TNFRSF21: variants seen among roughly 807,000 people sequenced by gnomAD.
The protein encoded by TNFRSF21 is TNF receptor superfamily member 21.
Under a neutral mutation model 45.6 loss-of-function variants are expected in TNFRSF21, and 19 were observed. The ratio of observed to expected loss-of-function variants is 0.42; its 90% CI spans 0.29 to 0.61. The LOEUF is 0.61. Ranked by LOEUF, TNFRSF21 falls within the 20% of genes least tolerant of loss-of-function variation. The pLI, the probability that TNFRSF21 is intolerant of heterozygous loss-of-function variation, is 0.23. For synonymous variants in TNFRSF21, 314 were observed against 335.5 expected (o/e 0.94, Z 0.70); for missense variants, 737 against 851.5 (o/e 0.87, Z 1.67).
chr6:47,257,605 A>AAAGC (rs1765006782), intron 3 of TNFRSF21, among the ~76,000 whole-genome samples: 1 of 152,216 alleles, frequency 6.6e-6, no homozygotes, highest in South Asian at 2.1e-4. Context: ...CAGGAGGACG[A>AAAGC]TTTGCCAAAT....
intron 4 of TNFRSF21, among the ~76,000 whole-genome samples, chr6:47,247,369 A>G (rs1489872692): frequency 6.6e-6 from 1 of 152,222 alleles, no homozygotes. Context: ...GGCAGCTGCT[A>G]GATACATGCA....
intron 3 of TNFRSF21, among the ~76,000 whole-genome samples, chr6:47,263,793 TC>T (rs1762283635): frequency 6.6e-6 from 1 of 152,266 alleles, no homozygotes; most frequent in African/African-American, 2.4e-5. Context: ...CAATGTCTTT[TC>T]ATAGTTTGGT....
intron 3 of TNFRSF21, among the ~76,000 whole-genome samples, chr6:47,273,328 G>T (rs1582339841): frequency 6.6e-6 from 1 of 152,308 alleles, no homozygotes; most frequent in South Asian, 2.1e-4. Context: ...GATCAAGTCA[G>T]CTTCATCCCT....
intron 5 of TNFRSF21, among the ~76,000 whole-genome samples, chr6:47,233,437 C>T (rs1582309730): frequency 1.3e-5 from 2 of 152,174 alleles, no homozygotes; most frequent in South Asian, 2.1e-4. Flanking sequence ...CATAGGCCCA[C>T]CCCTTTCCAA....
In TNFRSF21 at chr6:47,234,668, A is replaced by G; in HGVS notation, c.1738+2T>C. 1 of 1,604,174 alleles carries G rather than the reference A, an allele frequency of 6.2e-7. No homozygotes were observed. The highest frequency in any genetic ancestry group is 8.5e-7 in the Non-Finnish European group (1 of 1,175,194). On this transcript the variant is annotated splice_donor_variant, in intron 5 of 5. Transcript: ENST00000296861. LOFTEE classifies it high-confidence loss of function. ...GTGTGAGGTCTGCTGCGATGCCCGT[A>G]CCTTTGGTAATAAAGGAACCGTTCC... is the stretch of plus-strand genomic sequence containing the variant.
intron 3 of TNFRSF21, among the ~76,000 whole-genome samples, chr6:47,280,134 G>C (rs1561947717): frequency 6.6e-6 from 1 of 152,174 alleles, no homozygotes; most frequent in East Asian, 1.9e-4. Flanking sequence ...AAAGTTTGGA[G>C]GATGTATATG....
chr6:47,288,946 G>T (rs888310188), intron 1 of TNFRSF21, among the ~76,000 whole-genome samples: 4 of 152,210 alleles, frequency 2.6e-5, no homozygotes, highest in South Asian at 4.1e-4. Context: ...AGGAGAGGAA[G>T]CACAAAGCTA....
chr6:47,245,418 C>T (rs1764808554), intron 4 of TNFRSF21, among the ~76,000 whole-genome samples: 1 of 149,480 alleles, frequency 6.7e-6, no homozygotes, highest in Admixed American at 6.7e-5. Flanking sequence ...AAAGGCAATA[C>T]TAAGAAGAAG....
chr6:47,266,813 A>G (rs941417189), intron 3 of TNFRSF21, among the ~76,000 whole-genome samples: 1 of 152,250 alleles, frequency 6.6e-6, no homozygotes, highest in Non-Finnish European at 1.5e-5. Flanking sequence ...GACCTTTATC[A>G]TTACGGGGAG....
intron 1 of TNFRSF21, among the ~76,000 whole-genome samples, chr6:47,287,103 T>C (rs1762660782): frequency 6.6e-6 from 1 of 151,836 alleles, no homozygotes; most frequent in Non-Finnish European, 1.5e-5. Context: ...AGGTCAGGTG[T>C]TCGAGACCAG....
intron 1 of TNFRSF21, among the ~76,000 whole-genome samples, chr6:47,303,312 C>T (rs1390211198): frequency 6.6e-6 from 1 of 152,166 alleles, no homozygotes; most frequent in African/African-American, 2.4e-5. Flanking sequence ...AAGTGCCCCC[C>T]TTAGTTTTCT....
intron 1 of TNFRSF21, among the ~76,000 whole-genome samples, chr6:47,303,452 T>C (rs1028991609): frequency 1.3e-5 from 2 of 152,140 alleles, no homozygotes; most frequent in Non-Finnish European, 2.9e-5. Flanking sequence ...GAGCGCAACT[T>C]TCCCACCACT....
rs1217175513 is a variant in TNFRSF21 at position 47,287,109 on chromosome 6, A to T, written c.97-514T>A. 2.0e-5 allele frequency among the ~76,000 whole-genome samples: 3 copies of T among 151,994 alleles called. No individual in the cohort carries two copies. In the East Asian group the frequency reaches 5.8e-4, roughly 29 times the overall value. ...GATCACCTGAGGTCAGGTGTTCGAG[A>T]CCAGCCTGGCTGACATGGTAAAACC... On this transcript the variant is annotated intron_variant, in intron 1 of 5. Transcript: ENST00000296861.
At chr6:47,243,926 C>T (rs894489913) in intron 4 of TNFRSF21, among the ~76,000 whole-genome samples, 1 of 152,186 alleles carries the variant, frequency 6.6e-6, no homozygotes, top group African/African-American at 2.4e-5. Flanking sequence ...TATATGTGTA[C>T]TTGCATCATT....
chr6:47,251,119 A>G (rs1043430309), intron 4 of TNFRSF21, among the ~76,000 whole-genome samples: 4 of 152,244 alleles, frequency 2.6e-5, no homozygotes, highest in African/African-American at 7.2e-5. Flanking sequence ...AGTCCCAAGC[A>G]TATCAGATAA....
intron 3 of TNFRSF21, among the ~76,000 whole-genome samples, chr6:47,266,707 G>A (rs1197205365): frequency 6.6e-6 from 1 of 152,120 alleles, no homozygotes; most frequent in African/African-American, 2.4e-5. Flanking sequence ...AGAAGGGGTT[G>A]GTTGTAGGTT....
intron 3 of TNFRSF21, among the ~76,000 whole-genome samples, chr6:47,265,060 T>C (rs1762313142): frequency 2.0e-5 from 3 of 152,220 alleles, no homozygotes; most frequent in African/African-American, 7.2e-5. Context: ...CAACTGCTGC[T>C]GCTGTTGCCA....
At chr6:47,260,989 A>G (rs866570390) in intron 3 of TNFRSF21, among the ~76,000 whole-genome samples, 2 of 152,222 alleles carry the variant, frequency 1.3e-5, no homozygotes, top group African/African-American at 4.8e-5. Context: ...CAGGACAGAC[A>G]ACTCCACAGT....
chr6:47,255,002 A>G (rs898397745), intron 3 of TNFRSF21, among the ~76,000 whole-genome samples: 5 of 152,222 alleles, frequency 3.3e-5, no homozygotes, highest in Non-Finnish European at 5.9e-5. Context: ...TGTAACCACT[A>G]TGAAATGTGA....
Sources: gnomAD v4.1 joint callset for allele counts (sites outside exome capture counted in the v4.1 genomes callset) on GRCh38, gnomAD v4.1.1 for gene constraint, MANE v1.5 for transcripts, NCBI Gene and HGNC (gene_info 2026-07-23, HGNC 2026-07-21) for gene names.